KCNU1: variants seen among roughly 807,000 people sequenced by gnomAD.
KCNU1 encodes potassium calcium-activated channel subfamily U member 1.
KCNU1 carries 93 observed loss-of-function variants against 126.8 expected under a neutral mutation model. The ratio of observed to expected loss-of-function variants is 0.73; its 90% CI spans 0.62 to 0.87. The LOEUF is 0.87. Ranked by LOEUF, KCNU1 falls within the 40% of genes least tolerant of loss-of-function variation. The pLI, the probability that KCNU1 is intolerant of heterozygous loss-of-function variation, is 0.00. For missense variants in KCNU1, 1,330 were observed against 1,367.1 expected (o/e 0.97, Z 0.43); for synonymous variants, 523 against 494.2 (o/e 1.06, Z -0.77).
chr8:36,839,353 C>T (rs16885493), intron 14 of KCNU1, among the ~76,000 whole-genome samples: 16 of 152,188 alleles, frequency 1.1e-4, no homozygotes, highest in South Asian at 4.1e-4. Context: ...TCCATCCCCA[C>T]GCTATCATTT....
At chr8:36,901,640 C>G (rs1807422973) in intron 19 of KCNU1, among the ~76,000 whole-genome samples, 1 of 152,160 alleles carries the variant, frequency 6.6e-6, no homozygotes, top group African/African-American at 2.4e-5. Context: ...CAGCAGCTTC[C>G]AAAGCTGAAA....
chr8:36,929,181 A>G (rs1222439233), intron 24 of KCNU1: 5 of 526,504 alleles, frequency 9.5e-6, no homozygotes, highest in Non-Finnish European at 1.7e-5. Flanking sequence ...CAGGAGTTTG[A>G]GATCAGCATG....
chr8:36,859,745 G>T (rs1469871746), intron 18 of KCNU1, among the ~76,000 whole-genome samples: 3 of 152,096 alleles, frequency 2.0e-5, no homozygotes, highest in African/African-American at 7.2e-5. Context: ...ATTCTGGATT[G>T]GCCATTTACT....
intron 24 of KCNU1, among the ~76,000 whole-genome samples, chr8:36,926,634 A>G (rs1454883177): frequency 6.6e-6 from 1 of 152,160 alleles, no homozygotes; most frequent in Admixed American, 6.5e-5. Flanking sequence ...ATTTCCAGCC[A>G]GAAGTCTGGT....
chr8:36,864,863 A>G (rs1409031755), intron 19 of KCNU1, among the ~76,000 whole-genome samples: 1 of 152,126 alleles, frequency 6.6e-6, no homozygotes, highest in African/African-American at 2.4e-5. Context: ...CCTATTTCCA[A>G]TACATTCAAG....
intron 23 of KCNU1, 81 bp from the exon 24 acceptor site, chr8:36,922,409 G>A (rs771040924): frequency 1.7e-5 from 24 of 1,411,218 alleles, no homozygotes; most frequent in African/African-American, 5.8e-5. Context: ...TCAAGTGGTC[G>A]CCCCTTGGCC....
chr8:36,850,984 T>C (rs1291973197), intron 18 of KCNU1, among the ~76,000 whole-genome samples: 1 of 152,208 alleles, frequency 6.6e-6, no homozygotes, highest in Admixed American at 6.5e-5. Context: ...ATTACTATAG[T>C]TTTGTAGTAA....
chr8:36,785,140 G>A (rs1316333914), intron 1 of KCNU1, among the ~76,000 whole-genome samples: 1 of 152,190 alleles, frequency 6.6e-6, no homozygotes, highest in Non-Finnish European at 1.5e-5. Context: ...ATAGATGCAA[G>A]GACATTTCTT....
intron 24 of KCNU1, among the ~76,000 whole-genome samples, chr8:36,927,091 C>T (rs577265950): frequency 1.4e-3 from 219 of 152,184 alleles, no homozygotes; most frequent in Middle Eastern, 3.4e-3. Context: ...AATAAATGTG[C>T]GAATCCCAAG....
Position 36,787,334 on chromosome 8 carries a change from G to C in KCNU1, c.224G>C (p.Arg75Thr), listed in dbSNP as rs540974299. Residue 75 changes from arginine to threonine, a missense_variant, in exon 2 of 27, where the codon AGG (arginine) becomes ACG (threonine). Arg to Thr is a moderately conservative substitution (Grantham distance 71, BLOSUM62 -1). Coordinates refer to ENST00000399881, the MANE Select transcript of KCNU1 (RefSeq NM_001031836.3). Reference protein sequence around the residue: ...LELFTSGTIARSHVRSLHFQG... With the variant: ...LELFTSGTIATSHVRSLHFQG... ...CTGTTCACATCAGGTACCATCGCTA[G>C]GAGCCATGTAAGAAGCCTCCACTTC... is the stretch of plus-strand genomic sequence containing the variant. The C allele has an allele frequency of 4.0e-5, 65 of 1,611,730 alleles. 2 individuals carry two copies. The South Asian group carries it at 6.7e-4, about 17-fold the overall frequency.
chr8:36,814,088 C>T (rs1803821064), intron 7 of KCNU1, 119 bp from the exon 8 acceptor site: 1 of 705,670 alleles, frequency 1.4e-6, no homozygotes, highest in East Asian at 2.7e-5. Flanking sequence ...AACCTGAAAG[C>T]CATTTGGTAT....
rs1257830838 is a variant in KCNU1, at chr8:36,787,339, C to A, written c.229C>A (p.His77Asn). 1.2e-6 allele frequency: 2 copies of A among 1,611,810 alleles called. No individual in the cohort carries two copies. The highest frequency in any genetic ancestry group is 1.7e-6 in the Non-Finnish European group (2 of 1,178,652). The change falls in exon 2 of 27, where the codon CAT (histidine) becomes AAT (asparagine). Residue 77 changes from histidine (H) to asparagine (N), a missense_variant. His to Asn is a moderately conservative substitution (Grantham distance 68). Transcript: ENST00000399881. ...CACATCAGGTACCATCGCTAGGAGC[C>A]ATGTAAGAAGCCTCCACTTCCAGGG... ...LFTSGTIARS[H>N]VRSLHFQGQF...
At chr8:36,889,767 A>G (rs977960504) in intron 19 of KCNU1, among the ~76,000 whole-genome samples, 2 of 152,164 alleles carry the variant, frequency 1.3e-5, no homozygotes, top group African/African-American at 4.8e-5. Flanking sequence ...ACAGACCTGG[A>G]AAGCTCAGAA....
rs555414342 is a variant in KCNU1, at chr8:36,935,696, C to T, written c.3226C>T (p.Pro1076Ser). The T allele has an allele frequency of 2.0e-5, 32 of 1,613,134 alleles. No individual in the cohort carries two copies. The highest frequency in any genetic ancestry group is 2.6e-5 in the Non-Finnish European group (31 of 1,179,428). The change falls in exon 27 of 27, where the codon CCC becomes TCC. Residue 1076 changes from proline (P) to serine (S), a missense_variant. Physicochemically the swap from Pro to Ser is moderately conservative, Grantham distance 74. This residue lies in a region of KCNU1 where 1,054 missense variants were observed against 1,053.9 expected (regional missense o/e 1.00). Transcript: ENST00000399881. ...TETHSDTNCP[P>S]TIDSVTETLY... ...GACACATTCAGACACAAATTGTCCT[C>T]CCACCATTGATTCAGTTACTGAGAC...
At chr8:36,818,522 T>A (rs930068309) in intron 10 of KCNU1, among the ~76,000 whole-genome samples, 1 of 152,164 alleles carries the variant, frequency 6.6e-6, no homozygotes, top group Admixed American at 6.5e-5. Context: ...CATACAGAAG[T>A]GTTTGATTTG....
chr8:36,845,350 A>G (rs1283573777), intron 16 of KCNU1, among the ~76,000 whole-genome samples: 1 of 152,192 alleles, frequency 6.6e-6, no homozygotes, highest in African/African-American at 2.4e-5. Context: ...CTGTGTGTTC[A>G]GCTCACTGAT....
chr8:36,848,650 T>C (rs778542780), intron 18 of KCNU1, among the ~76,000 whole-genome samples: 2 of 152,180 alleles, frequency 1.3e-5, no homozygotes, highest in Non-Finnish European at 2.9e-5. Flanking sequence ...TGTCAGGACA[T>C]GGGAACCTCA....
chr8:36,911,161 GA>G (rs1585552685), intron 22 of KCNU1, 42 bp downstream of exon 22: 5 of 1,444,708 alleles, frequency 3.5e-6, no homozygotes, highest in South Asian at 2.6e-5. Flanking sequence ...AGGACGTATG[GA>G]AAAAAAGAGA....
chr8:36,804,188 C>G (rs758113958), intron 3 of KCNU1, 100 bp downstream of exon 3: 14 of 761,646 alleles, frequency 1.8e-5, no homozygotes, highest in Non-Finnish European at 2.5e-5. Context: ...TACTTTCACA[C>G]ACACATGCAC....
Sources: allele counts gnomAD v4.1 joint callset (sites outside exome capture counted in the v4.1 genomes callset), GRCh38; gene constraint gnomAD v4.1.1; regional missense constraint gnomAD v4.1.1; transcripts MANE v1.5; gene names NCBI Gene and HGNC (gene_info 2026-07-23, HGNC 2026-07-21).